RAVER2: variants seen among roughly 807,000 people sequenced by gnomAD.
RAVER2 encodes ribonucleoprotein PTB-binding 2.
Under a neutral mutation model 78.1 loss-of-function variants are expected in RAVER2, and 46 were observed. The ratio of observed to expected loss-of-function variants is 0.59; its 90% CI spans 0.46 to 0.75. RAVER2 has a LOEUF of 0.75. Ranked by LOEUF, RAVER2 falls within the 30% of genes least tolerant of loss-of-function variation. The pLI, the probability that RAVER2 is intolerant of heterozygous loss-of-function variation, is 0.00. For missense variants in RAVER2, 793 were observed against 837.5 expected (o/e 0.95, Z 0.66); for synonymous variants, 311 against 313.3 (o/e 0.99, Z 0.08).
At chr1:64,772,646 G>A (rs530479422) in intron 2 of RAVER2, among the ~76,000 whole-genome samples, 38 of 152,296 alleles carry the variant, frequency 2.5e-4, no homozygotes, top group African/African-American at 8.7e-4. Flanking sequence ...AGTAATGCAT[G>A]GACGAATTTG....
chr1:64,805,172 T>A (rs1570571597), intron 8 of RAVER2, 67 bp downstream of exon 8: 2 of 1,398,528 alleles, frequency 1.4e-6, no homozygotes, highest in East Asian at 4.6e-5. Flanking sequence ...ATAGTTTACC[T>A]ATGTTCTAAT....
intron 9 of RAVER2, among the ~76,000 whole-genome samples, chr1:64,810,525 G>T: frequency 6.6e-6 from 1 of 152,042 alleles, no homozygotes; most frequent in Non-Finnish European, 1.5e-5. Context: ...CCTCCCAAAG[G>T]CCCCACCTTC....
rs1307531847 is a variant in RAVER2 at position 64,828,802 on chromosome 1, ATAAT to A, written c.1930-2032_1930-2029del. On this transcript the variant is annotated intron_variant, in intron 11 of 11. Transcript: ENST00000294428. ...TTTCATTTTACAAAAGTAAAATCTG[ATAAT>A]TAATAAACTGCACTTTTCCCCCTCT... Among the ~76,000 whole-genome samples, 11 of 152,338 alleles carry A rather than the reference ATAAT, an allele frequency of 7.2e-5. No homozygotes were observed. In the East Asian group the frequency reaches 7.7e-4, roughly 11 times the overall value.
At chr1:64,789,291 C>G in intron 4 of RAVER2, 97 bp from the exon 5 acceptor site, 2 of 1,029,182 alleles carry the variant, frequency 1.9e-6, no homozygotes, top group Non-Finnish European at 2.6e-6. Flanking sequence ...TAAAATAGAT[C>G]TTGTCAGATG....
chr1:64,822,954 A>G (rs1248175590), intron 11 of RAVER2, among the ~76,000 whole-genome samples: 1 of 152,234 alleles, frequency 6.6e-6, no homozygotes, highest in Non-Finnish European at 1.5e-5. Context: ...ATGATATTCC[A>G]TTTATATGAA....
chr1:64,793,289 A>T (rs1029409922), intron 5 of RAVER2, among the ~76,000 whole-genome samples: 1 of 152,204 alleles, frequency 6.6e-6, no homozygotes, highest in Non-Finnish European at 1.5e-5. Flanking sequence ...GACATATATT[A>T]TACAGGTACT....
chr1:64,764,896 A>C (rs1199962247), intron 1 of RAVER2, among the ~76,000 whole-genome samples: 3 of 152,234 alleles, frequency 2.0e-5, no homozygotes, highest in African/African-American at 7.2e-5. Flanking sequence ...ACTCAAGTCA[A>C]CTGATTATAG....
intron 5 of RAVER2, among the ~76,000 whole-genome samples, chr1:64,795,685 TTA>T (rs1653076801): frequency 6.6e-6 from 1 of 152,102 alleles, no homozygotes; most frequent in Non-Finnish European, 1.5e-5. Context: ...CTAAACTCAC[TTA>T]TTATTTCTAG....
chr1:64,797,864 A>G (rs762618005), intron 5 of RAVER2, among the ~76,000 whole-genome samples: 16 of 150,992 alleles, frequency 1.1e-4, no homozygotes, highest in Non-Finnish European at 1.6e-4. Flanking sequence ...TATTTGCAGT[A>G]TTACTACTGG....
intron 5 of RAVER2, among the ~76,000 whole-genome samples, chr1:64,802,069 C>T (rs1653282582): frequency 6.6e-6 from 1 of 152,226 alleles, no homozygotes; most frequent in Admixed American, 6.5e-5. Context: ...TATAGGGTAA[C>T]TTTCACACGT....
At chr1:64,749,127 C>T (rs2100798271) in intron 1 of RAVER2, among the ~76,000 whole-genome samples, 1 of 152,064 alleles carries the variant, frequency 6.6e-6, no homozygotes, top group Admixed American at 6.5e-5. Context: ...GTGTGAGCCA[C>T]TGCACCCAGC....
intron 11 of RAVER2, among the ~76,000 whole-genome samples, chr1:64,818,871 T>C (rs1173193584): frequency 3.9e-5 from 6 of 152,198 alleles, no homozygotes; most frequent in Admixed American, 3.9e-4. Context: ...TACTGTTGGC[T>C]GGCCCCTAAA....
chr1:64,756,785 C>T (rs985543219), intron 1 of RAVER2, among the ~76,000 whole-genome samples: 1 of 152,158 alleles, frequency 6.6e-6, no homozygotes, highest in African/African-American at 2.4e-5. Flanking sequence ...TCCTTAGTCT[C>T]CATTCTGTTA....
At chr1:64,763,774 G>T in intron 1 of RAVER2, among the ~76,000 whole-genome samples, 1 of 151,934 alleles carries the variant, frequency 6.6e-6, no homozygotes, top group East Asian at 1.9e-4. Context: ...ATGGTGATGG[G>T]CACCTGTAAT....
At chr1:64,812,400 T>TAGAC (rs549443437) in intron 9 of RAVER2, among the ~76,000 whole-genome samples, 5 of 148,302 alleles carry the variant, frequency 3.4e-5, no homozygotes, top group Non-Finnish European at 5.9e-5. Flanking sequence ...GATAGATAGA[T>TAGAC]AGACAGACAG....
intron 5 of RAVER2, among the ~76,000 whole-genome samples, chr1:64,794,102 T>G (rs1653024294): frequency 6.6e-6 from 1 of 152,122 alleles, no homozygotes; most frequent in Admixed American, 6.6e-5. Flanking sequence ...TAGATATATG[T>G]TTAAGTGGTA....
intron 11 of RAVER2, among the ~76,000 whole-genome samples, chr1:64,821,315 A>G (rs984884790): frequency 3.6e-4 from 55 of 152,224 alleles, no homozygotes; most frequent in African/African-American, 1.3e-3. Flanking sequence ...TGTCAGATGC[A>G]TAGTTTGCAA....
At position 64,745,456 on chromosome 1, in the gene RAVER2, G is replaced by A. The variant is rs1651501731; in HGVS notation, c.249+35G>A. The A allele has an allele frequency of 6.7e-7, 1 of 1,482,464 alleles. No individual in the cohort carries two copies. Among genetic ancestry groups the A allele is most frequent in the Non-Finnish European group, 9.0e-7 (1 of 1,106,174 alleles). 91.8% of individuals were successfully genotyped at this position (1,482,464 alleles called of 1,614,324 possible). A position where few individuals can be genotyped will look rare whatever the true frequency, so the allele number is the denominator to read the frequency against. ...CGGTGATAGGGGCGACGCGTCCCGA[G>A]GGGCGGCGGGGCGGCGCTCCGTGTC... On this transcript the variant is annotated intron_variant, in intron 1 of 11. Transcript: ENST00000294428. The surrounding 1 kb of genome is among the most constrained non-coding windows in gnomAD (Gnocchi z 4.3).
At chr1:64,799,907 C>T (rs1653211548) in intron 5 of RAVER2, among the ~76,000 whole-genome samples, 1 of 152,120 alleles carries the variant, frequency 6.6e-6, no homozygotes, top group African/African-American at 2.4e-5. Context: ...CGCATCCTCA[C>T]TAGCATTTAT....
Sources: gnomAD v4.1 joint callset for allele counts (sites outside exome capture counted in the v4.1 genomes callset) on GRCh38, gnomAD v4.1.1 for gene constraint, Gnocchi (gnomAD v3.1) non-coding constraint, MANE v1.5 for transcripts, NCBI Gene and HGNC (gene_info 2026-07-23, HGNC 2026-07-21) for gene names.